The following MDM1 variants were observed in gnomAD, a reference collection of about 807,000 sequenced individuals.
MDM1 encodes stabilizer of axonemal microtubules 6.
Under a neutral mutation model 89.1 loss-of-function variants are expected in MDM1, and 61 were observed. The observed-to-expected ratio is 0.68, with a 90% CI of 0.56 to 0.85. The LOEUF is 0.85. Among genes scored for constraint, MDM1 ranks in the 40% least tolerant of loss-of-function variants. The pLI, the probability that MDM1 is intolerant of heterozygous loss-of-function variation, is 0.00. For synonymous variants in MDM1, 290 were observed against 294.1 expected (o/e 0.99, Z 0.14); for missense variants, 820 against 846.5 (o/e 0.97, Z 0.39).
intron 13 of MDM1, among the ~76,000 whole-genome samples, chr12:68,300,747 C>A (rs1406241547): frequency 1.3e-5 from 2 of 152,276 alleles, no homozygotes; most frequent in Middle Eastern, 3.4e-3. Flanking sequence ...CAGCACTAGA[C>A]AGATCGTTAA....
chr12:68,327,611 G>A, intron 2 of MDM1: 2 of 1,156,126 alleles, frequency 1.7e-6, no homozygotes, highest in Non-Finnish European at 2.5e-6. Flanking sequence ...AACCTTCTAT[G>A]AAGGTAAGAG....
chr12:68,303,457 A>C (rs567824476), intron 12 of MDM1, among the ~76,000 whole-genome samples: 13 of 152,316 alleles, frequency 8.5e-5, no homozygotes, highest in African/African-American at 3.1e-4. Flanking sequence ...AAGCCTTAAA[A>C]TTTAGCATTC....
intron 7 of MDM1, among the ~76,000 whole-genome samples, chr12:68,319,031 T>A (rs1010161797): frequency 3.9e-5 from 6 of 152,188 alleles, no homozygotes; most frequent in Non-Finnish European, 7.3e-5. Flanking sequence ...CAGTCCTATT[T>A]GTGGAAGACA....
intron 10 of MDM1, among the ~76,000 whole-genome samples, chr12:68,314,219 C>T (rs906476697): frequency 3.3e-5 from 5 of 150,070 alleles, no homozygotes; most frequent in African/African-American, 1.2e-4. Flanking sequence ...CAGTTAAAAG[C>T]GACTGAAATT....
chr12:68,325,838 TCA>T, intron 3 of MDM1: 1 of 1,092,362 alleles, frequency 9.2e-7, no homozygotes, highest in Non-Finnish European at 1.1e-6. Flanking sequence ...TATAATACTC[TCA>T]GTCCTTTCCT....
chr12:68,313,405 T>A, intron 12 of MDM1, 38 bp downstream of exon 12: 1 of 1,363,312 alleles, frequency 7.3e-7, no homozygotes, highest in Non-Finnish European at 1.0e-6. Flanking sequence ...CAATAATTAG[T>A]CCTAGATGAG....
chr12:68,325,837 C>A, intron 3 of MDM1: 1 of 1,089,346 alleles, frequency 9.2e-7, no homozygotes, highest in Non-Finnish European at 1.1e-6. Context: ...ATATAATACT[C>A]TCAGTCCTTT....
At chr12:68,314,924 T>C (rs1223051783) in intron 10 of MDM1, 24 bp downstream of exon 10, 1 of 1,576,448 alleles carries the variant, frequency 6.3e-7, no homozygotes, top group Non-Finnish European at 8.7e-7. Flanking sequence ...CGCTTCTCTA[T>C]ACTGAGTAAT....
At chr12:68,300,639 C>T (rs769217471) in intron 13 of MDM1, among the ~76,000 whole-genome samples, 2 of 152,166 alleles carry the variant, frequency 1.3e-5, no homozygotes, top group African/African-American at 2.4e-5. Context: ...ATGCACCTAA[C>T]ACTGGAGTTC....
chr12:68,316,502 T>G, intron 8 of MDM1, 79 bp downstream of exon 8: 5 of 1,219,016 alleles, frequency 4.1e-6, no homozygotes. Flanking sequence ...AGAAAAATAT[T>G]GACACCTACT....
chr12:68,325,070 AAACACGCAATATATTAGTC>A, intron 4 of MDM1: 1 of 959,396 alleles, frequency 1.0e-6, no homozygotes, highest in Non-Finnish European at 1.2e-6. Flanking sequence ...AGAATACAGG[AAACACGCAATATATTAGTC>A]AACAAAACAC....
chr12:68,318,265 T>G (rs545562942), intron 7 of MDM1, among the ~76,000 whole-genome samples: 1 of 152,258 alleles, frequency 6.6e-6, no homozygotes, highest in Admixed American at 6.5e-5. Context: ...CTGTGTTGGG[T>G]AGATTGACGG....
At chr12:68,312,837 C>T (rs905358013) in intron 12 of MDM1, among the ~76,000 whole-genome samples, 2 of 152,110 alleles carry the variant, frequency 1.3e-5, no homozygotes, top group African/African-American at 4.8e-5. Context: ...GGGGCAGGTA[C>T]CCCCTTCACC....
At chr12:68,316,712 C>T (rs1874552292) in intron 7 of MDM1, 102 bp from the exon 8 acceptor site, 1 of 904,326 alleles carries the variant, frequency 1.1e-6, no homozygotes, top group South Asian at 1.6e-5. Context: ...TAAATATCTA[C>T]CAAACTTGTC....
chr12:68,325,295 T>C (rs1432675176), intron 4 of MDM1, 146 bp downstream of exon 4: 21 of 1,343,800 alleles, frequency 1.6e-5, no homozygotes, highest in Non-Finnish European at 1.9e-5. Context: ...AATAGGATGA[T>C]TTTAGCAAAA....
chr12:68,305,918 CAA>C (rs201926650), intron 12 of MDM1, among the ~76,000 whole-genome samples: 16 of 38,150 alleles, frequency 4.2e-4, no homozygotes, highest in Admixed American at 8.7e-4. Flanking sequence ...CATAAGGAAG[CAA>C]AAAAAAAAAA....
At position 68,316,119 on chromosome 12, in the gene MDM1, T is replaced by A; in HGVS notation, c.1170A>T (p.Glu390Asp). ...CWDVSSTTSS[E>D]GTVSSNIRAL... ...CTCTGATGTTGCTACTAACGGTTCC[T>A]TCTGAGCTTGTGGTTGAGGAGACAT... Residue 390 changes from glutamate (E) to aspartate (D), a missense_variant, in exon 9 of 15, where the codon GAA becomes GAT. Glu to Asp is a conservative substitution (Grantham distance 45, BLOSUM62 2). Coordinates refer to ENST00000682720, the MANE Select transcript of MDM1 (RefSeq NM_001354969.2). The A allele has an allele frequency of 6.2e-7, 1 of 1,614,048 alleles. No homozygotes were observed. Among genetic ancestry groups the A allele is most frequent in the Admixed American group, 1.7e-5 (1 of 59,998 alleles).
At chr12:68,303,924 A>G (rs1872549240) in intron 12 of MDM1, among the ~76,000 whole-genome samples, 1 of 152,212 alleles carries the variant, frequency 6.6e-6, no homozygotes, top group African/African-American at 2.4e-5. Context: ...CTAGAAGTCA[A>G]GAACAATTTT....
chr12:68,302,032 T>C (rs1872233403), intron 13 of MDM1, among the ~76,000 whole-genome samples: 1 of 152,018 alleles, frequency 6.6e-6, no homozygotes, highest in Admixed American at 6.6e-5. Context: ...GAAGTGAGAA[T>C]TTTCCAGATT....
Sources: gnomAD v4.1 joint callset for allele counts (sites outside exome capture counted in the v4.1 genomes callset) on GRCh38, gnomAD v4.1.1 for gene constraint, MANE v1.5 for transcripts, NCBI Gene and HGNC (gene_info 2026-07-23, HGNC 2026-07-21) for gene names.